The following USP6 variants were observed in gnomAD, a reference collection of about 807,000 sequenced individuals.
The protein encoded by USP6 is ubiquitin specific peptidase 6.
USP6 carries 128 observed loss-of-function variants against 175.7 expected under a neutral mutation model. That is an observed-to-expected ratio of 0.73 (90% CI 0.63 to 0.84). The LOEUF (loss-of-function observed/expected upper bound fraction) is 0.84. Among genes scored for constraint, USP6 ranks in the 40% least tolerant of loss-of-function variants. The pLI, the probability that USP6 is intolerant of heterozygous loss-of-function variation, is 0.00. For synonymous variants in USP6, 562 were observed against 630.6 expected, an observed-to-expected ratio of 0.89 and a Z score of 1.63; for missense variants, 1,498 against 1,760.3, an observed-to-expected ratio of 0.85 and a Z score of 2.67.
chr17:5,147,335 C>T, intron 29 of USP6, 141 bp downstream of exon 29: 6 of 1,041,936 alleles, frequency 5.8e-6, no homozygotes, highest in Non-Finnish European at 7.9e-6. Flanking sequence ...ACTGATTATT[C>T]CATATTTTTT....
rs765628639 is a variant in USP6 at position 5,170,931 on chromosome 17, T to C, written c.3954+16T>C. 7.5e-6 allele frequency: 12 copies of C among 1,607,540 alleles called. No individual in the cohort carries two copies. The highest frequency in any genetic ancestry group is 8.5e-6 in the Non-Finnish European group (10 of 1,176,250). ...TGCAATTTCAGTAAGTGGTTTATTA[T>C]ACGGTTTTCAGAGAGTGGTCTGTGT... On this transcript the variant is annotated intron_variant, in intron 36 of 37. Transcript: ENST00000574788.
rs188204523 is a variant in USP6 at position 5,142,577 on chromosome 17, T to A, written c.1818+75T>A. On this transcript the variant is annotated intron_variant, in intron 25 of 37. Coordinates refer to ENST00000574788, the MANE Select transcript of USP6 (RefSeq NM_001304284.2). ...TAATCATTTTTCTCTACTTGTTTTT[T>A]GTGTTTAGCCTTTTAGCTTAATGAA... 20 of 1,512,512 alleles carry A rather than the reference T, an allele frequency of 1.3e-5. No homozygotes were observed. The African/African-American group carries it at 2.1e-4, about 16-fold the overall frequency. The allele number at this position is 1,512,512 out of a possible 1,614,324, so 93.7% of individuals were successfully genotyped here. A position where few individuals can be genotyped will look rare whatever the true frequency, so the allele number is the denominator to read the frequency against.
At chr17:5,145,204 T>C (rs1032327757) in intron 26 of USP6, among the ~76,000 whole-genome samples, 35 of 152,220 alleles carry the variant, frequency 2.3e-4, no homozygotes, top group Non-Finnish European at 1.8e-4. Flanking sequence ...CAAATAACTT[T>C]AATATTTACC....
intron 15 of USP6, 167 bp downstream of exon 15, chr17:5,134,163 C>T (rs533791921): frequency 1.6e-5 from 11 of 701,318 alleles, no homozygotes; most frequent in Admixed American, 7.7e-5. Flanking sequence ...CTCCCTGGTT[C>T]CAAGCCCTGG....
At chr17:5,167,083 T>G (rs149581233) in intron 33 of USP6, among the ~76,000 whole-genome samples, 4 of 152,184 alleles carry the variant, frequency 2.6e-5, no homozygotes, top group Non-Finnish European at 4.4e-5. Context: ...GATAACTCTG[T>G]GTTACATGGG....
At position 5,132,403 on chromosome 17, in the gene USP6, G is replaced by A. The variant is rs1322108971; in HGVS notation, c.163G>A (p.Glu55Lys). 6.2e-7 allele frequency: 1 copy of A among 1,612,176 alleles called. No homozygotes were observed. Among genetic ancestry groups the A allele is most frequent in the Non-Finnish European group, 8.5e-7 (1 of 1,179,848 alleles). The change falls in exon 12 of 38, where the codon GAG becomes AAG. Residue 55 changes from glutamate to lysine, a missense_variant. Physicochemically the swap from Glu to Lys is moderately conservative, Grantham distance 56 (BLOSUM62 1). Coordinates refer to ENST00000574788, the MANE Select transcript of USP6 (RefSeq NM_001304284.2). This position sits in a 1 kb window ranked among gnomAD's most constrained non-coding sequence, Gnocchi z 4.7. ...IDRFGILHET[E>K]LPPVTAREAK... ...GCCTGGGTTGCCTTACAGTGAGACG[G>A]AGCTGCCTCCTGTGACTGCACGGGA...
chr17:5,170,799 G>A lies in USP6; in HGVS notation c.3838G>A (p.Gly1280Ser). The change falls in exon 36 of 38, where the codon GGC (glycine) becomes AGC (serine). Residue 1280 changes from glycine (G) to serine (S), a missense_variant. Gly to Ser is a moderately conservative substitution (Grantham distance 56, BLOSUM62 0). Around this residue, in one of 2 missense-constraint regions of USP6, gnomAD observed 1,217 missense variants for 1,500.8 expected, o/e 0.81. Coordinates refer to ENST00000574788, the MANE Select transcript of USP6 (RefSeq NM_001304284.2). ...FLYEHEACGNGCGDGYSNGQL... is the reference protein window; with the variant it reads ...FLYEHEACGNSCGDGYSNGQL... ...TTATGAGCATGAAGCATGTGGCAAT[G>A]GCTGTGGCGATGGCTACAGCAATGG... 1.9e-6 allele frequency: 3 copies of A among 1,613,824 alleles called. No individual in the cohort carries two copies. The highest frequency in any genetic ancestry group is 2.5e-6 in the Non-Finnish European group (3 of 1,179,874).
intron 15 of USP6, chr17:5,134,860 G>T (rs1292004912): frequency 1.5e-5 from 5 of 340,912 alleles, no homozygotes; most frequent in Non-Finnish European, 2.3e-5. Context: ...GGGTGCATAG[G>T]GGAAACCCTG....
rs751188853 is a variant in USP6 at position 5,137,221 on chromosome 17, C to T, written c.825+35C>T. On this transcript the variant is annotated intron_variant, in intron 19 of 37. Transcript: ENST00000574788. ...CATAGGGAGACCCTGGCTCAGGGAC[C>T]CTCCTTGCCCTGCAGTGCCGTGCTT... The T allele has an allele frequency of 1.9e-6, 3 of 1,607,622 alleles. No individual in the cohort carries two copies. In the Admixed American group the frequency reaches 5.0e-5, roughly 27 times the overall value.
chr17:5,147,310 C>T, intron 29 of USP6, 116 bp downstream of exon 29: 1 of 1,207,558 alleles, frequency 8.3e-7, no homozygotes, highest in African/African-American at 1.6e-5. Flanking sequence ...AACTTTGGAA[C>T]TCAAGGGAAA....
chr17:5,163,148 C>A, intron 33 of USP6, 144 bp downstream of exon 33: 5 of 1,278,804 alleles, frequency 3.9e-6, no homozygotes, highest in Non-Finnish European at 5.2e-6. Flanking sequence ...AATATATTGA[C>A]ATGTTTGCTT....
chr17:5,117,746 C>T (rs1002113373), intron 1 of USP6, among the ~76,000 whole-genome samples: 6 of 151,836 alleles, frequency 4.0e-5, no homozygotes, highest in African/African-American at 9.7e-5. Flanking sequence ...TAGGAGGCTG[C>T]GATAATAGTA....
intron 35 of USP6, among the ~76,000 whole-genome samples, chr17:5,169,633 T>G (rs1458511650): frequency 1.3e-5 from 2 of 151,936 alleles, no homozygotes; most frequent in African/African-American, 2.4e-5. Flanking sequence ...GTAGAGATGG[T>G]GCTTCGCCAT....
intron 4 of USP6, among the ~76,000 whole-genome samples, chr17:5,122,411 T>A (rs1249737106): frequency 1.3e-5 from 2 of 152,194 alleles, no homozygotes; most frequent in African/African-American, 2.4e-5. Context: ...GGCCTTCAGC[T>A]GGCAGTATCC....
At chr17:5,118,068 CA>C (rs57176092) in intron 1 of USP6, 131 bp from the exon 2 acceptor site, 1,625 of 108,922 alleles carry the variant, frequency 0.015, 19 homozygotes, top group African/African-American at 0.039. Flanking sequence ...GACTCCGTCT[CA>C]AAAAAAAAAA....
chr17:5,123,019 T>A (rs2072746488), intron 4 of USP6: 1 of 153,304 alleles, frequency 6.5e-6, no homozygotes, highest in Admixed American at 6.5e-5. Flanking sequence ...GCTCGTCTTC[T>A]GGCAGCTTGG....
intron 25 of USP6, among the ~76,000 whole-genome samples, chr17:5,142,923 G>T (rs1437713569): frequency 6.6e-6 from 1 of 152,218 alleles, no homozygotes; most frequent in African/African-American, 2.4e-5. Context: ...GGGCGCAGGG[G>T]CTCATGCCTG....
At chr17:5,136,138 A>T (rs528919222) in intron 17 of USP6, among the ~76,000 whole-genome samples, 1 of 152,264 alleles carries the variant, frequency 6.6e-6, no homozygotes, top group African/African-American at 2.4e-5. Flanking sequence ...AGCAGAGGGC[A>T]TCTCATCCTC....
Position 5,132,327 on chromosome 17 carries a change from G to A in USP6, c.156-69G>A, listed in dbSNP as rs373182208. The A allele has an allele frequency of 1.9e-6, 3 of 1,611,882 alleles. No homozygotes were observed. The highest frequency in any genetic ancestry group is 2.2e-5 in the South Asian group (2 of 90,994). ...GGGACAGAGCCAGTCCTTTCTGGGG[G>A]TCGGCTCCCAGGCTTGGGCGGCTCC... On this transcript the variant is annotated intron_variant, in intron 11 of 37. Coordinates refer to ENST00000574788, the MANE Select transcript of USP6 (RefSeq NM_001304284.2). This position sits in a 1 kb window ranked among gnomAD's most constrained non-coding sequence, Gnocchi z 4.7.
Sources: allele counts gnomAD v4.1 joint callset (sites outside exome capture counted in the v4.1 genomes callset), GRCh38; gene constraint gnomAD v4.1.1; regional missense constraint gnomAD v4.1.1; non-coding constraint Gnocchi (gnomAD v3.1); transcripts MANE v1.5; gene names NCBI Gene and HGNC (gene_info 2026-07-23, HGNC 2026-07-21).